The following PDS5B variants were observed in gnomAD, a reference collection of about 807,000 sequenced individuals.
PDS5B encodes the protein sister chromatid cohesion protein PDS5 homolog B.
In PDS5B, 51 loss-of-function variants were observed where a neutral mutation model predicts 184.1. The observed-to-expected ratio is 0.28, with a 90% CI of 0.22 to 0.35. The LOEUF is 0.35. Ranked by LOEUF, PDS5B falls within the 10% of genes least tolerant of loss-of-function variation. PDS5B has a pLI of 1.00. For synonymous variants in PDS5B, 566 were observed against 569.2 expected (o/e 0.99, Z 0.08); for missense variants, 1,180 against 1,723.3 (o/e 0.68, Z 5.58).
At chr13:32,612,647 A>G (rs1351101977) in intron 1 of PDS5B, among the ~76,000 whole-genome samples, 1 of 152,212 alleles carries the variant, frequency 6.6e-6, no homozygotes, top group Non-Finnish European at 1.5e-5. Context: ...TGAGATGATT[A>G]GATCCTGAGG....
At chr13:32,721,539 G>A (rs1952700524) in intron 19 of PDS5B, among the ~76,000 whole-genome samples, 1 of 150,254 alleles carries the variant, frequency 6.7e-6, no homozygotes, top group African/African-American at 2.5e-5. Flanking sequence ...TGGCGGCCGG[G>A]CAGAGGTGCT....
Position 32,775,095 on chromosome 13 carries a change from A to AAC in PDS5B, c.*43_*44insAC. 11 of 547,608 alleles carry AAC rather than the reference A, an allele frequency of 2.0e-5. No homozygotes were observed. Among genetic ancestry groups the AAC allele is most frequent in the South Asian group, 1.1e-4 (4 of 37,334 alleles). The allele number at this position is 547,608 out of a possible 1,614,324, so 33.9% of individuals were successfully genotyped here. On this transcript the variant is annotated 3_prime_UTR_variant, in exon 35 of 35. Transcript: ENST00000315596. ...CTTTCTCTGTGAAAGCTTTGGAAAAATCTTTTTTTTTTTTTTTGGTCAAGC... is the reference window on the plus strand; with the variant it reads ...CTTTCTCTGTGAAAGCTTTGGAAAAAACTCTTTTTTTTTTTTTTTGGTCAAGC...
chr13:32,669,937 C>G (rs574851803), intron 7 of PDS5B, among the ~76,000 whole-genome samples: 1 of 152,102 alleles, frequency 6.6e-6, no homozygotes, highest in Non-Finnish European at 1.5e-5. Context: ...TGGACTTAAT[C>G]GTCTTGTAGT....
chr13:32,599,446 A>G (rs990538276), intron 1 of PDS5B, among the ~76,000 whole-genome samples: 3 of 151,470 alleles, frequency 2.0e-5, no homozygotes, highest in African/African-American at 7.3e-5. Flanking sequence ...TCGTATTTTT[A>G]GTAGAGATGG....
chr13:32,710,869 T>A (rs1452548485), intron 19 of PDS5B, among the ~76,000 whole-genome samples: 1 of 152,238 alleles, frequency 6.6e-6, no homozygotes, highest in Non-Finnish European at 1.5e-5. Flanking sequence ...AGAAAGAGAC[T>A]GGGAGTAAAG....
rs755116987 is a variant in PDS5B at position 32,648,814 on chromosome 13, A to G, written c.42A>G (p.Thr14=). ...SKTRTNDGKI[T]YPPGVKEISD... is the part of the protein sequence containing the mutation. ...CTAGGACCAATGATGGAAAAATTAC[A>G]TATCCGCCTGGGGTCAAGGAAATAT... Residue 14 remains threonine, a synonymous_variant, in exon 2 of 35, where the codon ACA becomes ACG. Transcript: ENST00000315596. 4 of 1,564,726 alleles carry G rather than the reference A, an allele frequency of 2.6e-6. No individual in the cohort carries two copies. The South Asian group carries it at 3.3e-5, about 13-fold the overall frequency.
intron 3 of PDS5B, among the ~76,000 whole-genome samples, chr13:32,655,103 A>G (rs530548621): frequency 2.8e-4 from 42 of 151,920 alleles, no homozygotes; most frequent in African/African-American, 8.2e-4. Context: ...GAAATTGCCA[A>G]ACTGTTTTCC....
At chr13:32,676,932 C>CAAAAAAAAAAAAAAAAAA (rs4057303) in intron 9 of PDS5B, among the ~76,000 whole-genome samples, 4 of 78,816 alleles carry the variant, frequency 5.1e-5, no homozygotes, top group African/African-American at 2.0e-4. Context: ...CTCTTGTCTC[C>CAAAAAAAAAAAAAAAAAA]AAAAAAAAAA....
chr13:32,619,159 C>G (rs382191), intron 1 of PDS5B, among the ~76,000 whole-genome samples: 38,717 of 94,924 alleles, frequency 0.41, 5,235 homozygotes, highest in Admixed American at 0.54. Context: ...GTGGTAAGGT[C>G]TTTGAGGTAC....
chr13:32,723,126 C>T (rs1952776320), intron 19 of PDS5B, among the ~76,000 whole-genome samples: 1 of 152,120 alleles, frequency 6.6e-6, no homozygotes, highest in Non-Finnish European at 1.5e-5. Context: ...ACTATACATA[C>T]ACTGAGAGCT....
intron 1 of PDS5B, among the ~76,000 whole-genome samples, chr13:32,604,244 C>T (rs1014790769): frequency 7.9e-5 from 12 of 152,096 alleles, no homozygotes; most frequent in African/African-American, 1.9e-4. Context: ...TTGTGAGATA[C>T]GTCCCATCAA....
At chr13:32,590,481 C>T (rs148774456) in intron 1 of PDS5B, among the ~76,000 whole-genome samples, 39 of 152,274 alleles carry the variant, frequency 2.6e-4, no homozygotes, top group African/African-American at 9.4e-4. Flanking sequence ...TCCGAAGGAG[C>T]AGGCCCTCCT....
intron 1 of PDS5B, among the ~76,000 whole-genome samples, chr13:32,587,903 A>G (rs1217635892): frequency 6.6e-6 from 1 of 152,136 alleles, no homozygotes; most frequent in Non-Finnish European, 1.5e-5. Flanking sequence ...GTAATCCTAT[A>G]CTATCTTCCT....
At chr13:32,752,961 G>A (rs893163464) in intron 24 of PDS5B, among the ~76,000 whole-genome samples, 1 of 152,064 alleles carries the variant, frequency 6.6e-6, no homozygotes, top group African/African-American at 2.4e-5. Flanking sequence ...TTCAGTGACA[G>A]AACTAAAATG....
chr13:32,683,121 T>C (rs928086104), intron 10 of PDS5B, among the ~76,000 whole-genome samples: 5 of 152,042 alleles, frequency 3.3e-5, no homozygotes, highest in African/African-American at 9.7e-5. Context: ...CAAGCGATTC[T>C]CCTGCCTCAG....
Position 32,683,906 on chromosome 13 carries a change from T to C in PDS5B, c.1086T>C (p.Pro362=). ...TEYLKVRSHD[P]EEAIRHDVIV... ...ATCTTAAAGTGAGGTCACATGACCC[T>C]GAGGAAGCTATTAGACATGATGTTA... The change falls in exon 11 of 35, where the codon CCT becomes CCC. Residue 362 remains proline, a synonymous_variant. Transcript: ENST00000315596. 6.2e-7 allele frequency: 1 copy of C among 1,600,846 alleles called. No individual in the cohort carries two copies. Among genetic ancestry groups the C allele is most frequent in the Admixed American group, 1.7e-5 (1 of 59,508 alleles).
chr13:32,654,041 T>C (rs1950436149), intron 3 of PDS5B, among the ~76,000 whole-genome samples: 1 of 152,220 alleles, frequency 6.6e-6, no homozygotes, highest in South Asian at 2.1e-4. Flanking sequence ...GAGCTGAAAT[T>C]AGGGTCTTTG....
chr13:32,718,333 A>G (rs1952552402), intron 19 of PDS5B, among the ~76,000 whole-genome samples: 1 of 151,946 alleles, frequency 6.6e-6, no homozygotes, highest in African/African-American at 2.4e-5. Flanking sequence ...TGTATTTTTA[A>G]TAGAGACGGG....
intron 7 of PDS5B, among the ~76,000 whole-genome samples, chr13:32,671,875 C>T (rs1235488491): frequency 6.6e-6 from 1 of 152,128 alleles, no homozygotes; most frequent in Non-Finnish European, 1.5e-5. Flanking sequence ...CGCTGAGACT[C>T]AGGAAACCAT....
Sources: allele counts gnomAD v4.1 joint callset (sites outside exome capture counted in the v4.1 genomes callset), GRCh38; gene constraint gnomAD v4.1.1; transcripts MANE v1.5; gene names NCBI Gene and HGNC (gene_info 2026-07-23, HGNC 2026-07-21).